Variants in JAM2 observed in about 807,000 individuals in gnomAD.
JAM2 encodes the protein junctional adhesion molecule 2.
A neutral mutation model predicts 42.0 loss-of-function variants in JAM2; 17 were observed. The ratio of observed to expected loss-of-function variants is 0.40; its 90% CI spans 0.28 to 0.61. The LOEUF (loss-of-function observed/expected upper bound fraction) is 0.61, where lower values mean the gene tolerates loss of function less well. Among genes scored for constraint, JAM2 ranks in the 20% least tolerant of loss-of-function variants. The pLI is 0.37. For missense variants in JAM2, 319 were observed against 358.3 expected (o/e 0.89, Z 0.89); for synonymous variants, 118 against 128.6 (o/e 0.92, Z 0.56).
At chr21:25,643,703 A>T (rs540953775) in intron 1 of JAM2, 5 of 152,370 alleles carry the variant, frequency 3.3e-5, no homozygotes, top group African/African-American at 1.2e-4. Flanking sequence ...TTTAACAACC[A>T]TTTCAAGACT....
chr21:25,712,053 TAGTA>T (rs1568922171), intron 8 of JAM2: 2 of 292,470 alleles, frequency 6.8e-6, no homozygotes, highest in African/African-American at 2.2e-5. Flanking sequence ...AATTAAAAGT[TAGTA>T]AGTCTCTGGT....
chr21:25,642,385 T>G (rs2032471433), intron 1 of JAM2, among the ~76,000 whole-genome samples: 1 of 152,188 alleles, frequency 6.6e-6, no homozygotes. Context: ...TGGGTTATAA[T>G]CCAATACTAT....
At chr21:25,677,978 C>T (rs1601024048) in intron 1 of JAM2, among the ~76,000 whole-genome samples, 2 of 152,038 alleles carry the variant, frequency 1.3e-5, no homozygotes, top group Non-Finnish European at 2.9e-5. Flanking sequence ...GTAGGCCAGG[C>T]GCGGTGGCAC....
rs2034247518 is a variant in JAM2 at position 25,705,214 on chromosome 21, G to A, written c.698-765G>A. Among the ~76,000 whole-genome samples, 3 of 152,132 alleles carry A rather than the reference G, an allele frequency of 2.0e-5. No individual in the cohort carries two copies. In the South Asian group the frequency reaches 6.2e-4, roughly 32 times the overall value. On this transcript the variant is annotated intron_variant, in intron 6 of 9. Coordinates refer to ENST00000480456, the MANE Select transcript of JAM2 (RefSeq NM_021219.4). ...AGAAGGAACGTATTTCTTACACTTA[G>A]TTTTACAGAATAACAATGACATGTG... is the stretch of plus-strand genomic sequence containing the variant.
Position 25,658,995 on chromosome 21 carries a change from C to T in JAM2, c.67+19107C>T, listed in dbSNP as rs149252983. Among the ~76,000 whole-genome samples, 1,083 of 152,182 alleles carry T rather than the reference C, an allele frequency of 7.1e-3. 22 individuals carry two copies. Among genetic ancestry groups the T allele is most frequent in the African/African-American group, 0.025 (1,045 of 41,534 alleles). Reference sequence around the variant, plus strand: ...CAACCAATAGTATATTTTCAGTGTCCCTGTCTCTCACCACATATAAATGCC... The same window carrying T: ...CAACCAATAGTATATTTTCAGTGTCTCTGTCTCTCACCACATATAAATGCC... On this transcript the variant is annotated intron_variant, in intron 1 of 9. Coordinates refer to ENST00000480456, the MANE Select transcript of JAM2 (RefSeq NM_021219.4).
chr21:25,642,423 C>A (rs2032472198), intron 1 of JAM2, among the ~76,000 whole-genome samples: 1 of 152,050 alleles, frequency 6.6e-6, no homozygotes, highest in African/African-American at 2.4e-5. Context: ...TAGTGGATTT[C>A]TTATGCTGTT....
chr21:25,706,715 G>GT (rs1384518564), intron 7 of JAM2, among the ~76,000 whole-genome samples: 1 of 152,124 alleles, frequency 6.6e-6, no homozygotes, highest in Non-Finnish European at 1.5e-5. Context: ...GATATTTATA[G>GT]TATCTTTGCA....
rs772257803 is a variant in JAM2, at chr21:25,698,691, C to G, written c.409C>G (p.Pro137Ala). 1 of 1,613,728 alleles carries G rather than the reference C, an allele frequency of 6.2e-7. No individual in the cohort carries two copies. Among genetic ancestry groups the G allele is most frequent in the African/African-American group, 1.3e-5 (1 of 75,006 alleles). The change falls in exon 5 of 10, where the codon CCA becomes GCA. Residue 137 changes from proline (P) to alanine (A), a missense_variant. By Grantham distance (27) the Pro-to-Ala change is conservative. Coordinates refer to ENST00000480456, the MANE Select transcript of JAM2 (RefSeq NM_021219.4). The part of the protein sequence containing the change: ...TLEVLVAPAV[P>A]SCEVPSSALS... ...CCATTGTTCAGTGGCTCCAGCAGTT[C>G]CATCATGTGAAGTACCCTCTTCTGC...
intron 7 of JAM2, among the ~76,000 whole-genome samples, chr21:25,706,954 G>A (rs559272060): frequency 1.3e-5 from 2 of 151,962 alleles, no homozygotes; most frequent in African/African-American, 4.8e-5. Context: ...TAGCCGGGAT[G>A]GTCTCAATCT....
chr21:25,641,563 G>A (rs2032444082), intron 1 of JAM2, among the ~76,000 whole-genome samples: 2 of 151,658 alleles, frequency 1.3e-5, no homozygotes, highest in African/African-American at 4.8e-5. Context: ...AAAAGATCTG[G>A]CATTGCAAGA....
intron 6 of JAM2, among the ~76,000 whole-genome samples, chr21:25,704,245 T>A (rs1298717415): frequency 6.6e-6 from 1 of 152,122 alleles, no homozygotes; most frequent in Non-Finnish European, 1.5e-5. Flanking sequence ...TTAATCCAAG[T>A]AAATAAAAAG....
At chr21:25,699,514 AG>A (rs1043112726) in intron 5 of JAM2, among the ~76,000 whole-genome samples, 1 of 151,942 alleles carries the variant, frequency 6.6e-6, no homozygotes, top group Non-Finnish European at 1.5e-5. Context: ...CGAGGTCAGG[AG>A]ATCAAGACCA....
At chr21:25,646,748 A>G (rs1351672861) in intron 1 of JAM2, among the ~76,000 whole-genome samples, 2 of 152,234 alleles carry the variant, frequency 1.3e-5, no homozygotes, top group African/African-American at 4.8e-5. Context: ...GCAGAGAAGC[A>G]AATCCTGTGA....
At chr21:25,683,637 G>A (rs868495629) in intron 1 of JAM2, among the ~76,000 whole-genome samples, 1 of 152,140 alleles carries the variant, frequency 6.6e-6, no homozygotes, top group East Asian at 1.9e-4. Flanking sequence ...GTCTGGGGTG[G>A]GGTCCAAATA....
At chr21:25,653,861 C>G (rs1011765098) in intron 1 of JAM2, among the ~76,000 whole-genome samples, 2 of 152,172 alleles carry the variant, frequency 1.3e-5, no homozygotes, top group African/African-American at 4.8e-5. Flanking sequence ...AAAAGTCTTT[C>G]TTTAGCCAAA....
intron 9 of JAM2, chr21:25,714,153 A>C (rs1432502681): frequency 1.5e-6 from 2 of 1,298,426 alleles, no homozygotes; most frequent in Non-Finnish European, 2.0e-6. Context: ...AAAGCTTCAG[A>C]GTACCTTGTC....
intron 1 of JAM2, among the ~76,000 whole-genome samples, chr21:25,678,458 AG>A (rs1165344549): frequency 6.6e-6 from 1 of 152,206 alleles, no homozygotes; most frequent in East Asian, 1.9e-4. Context: ...GAGAAAAGAA[AG>A]AACAGCTGCT....
intron 1 of JAM2, among the ~76,000 whole-genome samples, chr21:25,645,645 T>C (rs1247789172): frequency 6.6e-6 from 1 of 152,230 alleles, no homozygotes; most frequent in African/African-American, 2.4e-5. Context: ...CAATTGCTTT[T>C]TACAGTTGTC....
At chr21:25,682,529 G>A (rs1024904921) in intron 1 of JAM2, among the ~76,000 whole-genome samples, 3 of 152,344 alleles carry the variant, frequency 2.0e-5, no homozygotes, top group East Asian at 1.9e-4. Flanking sequence ...TGAGGGGAGG[G>A]GCAGCATGCA....
Sources: allele counts gnomAD v4.1 joint callset (sites outside exome capture counted in the v4.1 genomes callset), GRCh38; gene constraint gnomAD v4.1.1; transcripts MANE v1.5; gene names NCBI Gene and HGNC (gene_info 2026-07-23, HGNC 2026-07-21).